TIAM1: variants seen among roughly 807,000 people sequenced by gnomAD.
The protein encoded by TIAM1 is TIAM Rac1 associated GEF 1.
TIAM1 carries 65 observed loss-of-function variants against 163.5 expected under a neutral mutation model. The observed-to-expected ratio is 0.40, with a 90% CI of 0.33 to 0.49. TIAM1 has a LOEUF of 0.49. TIAM1 is among the 20% of genes least tolerant of loss of function. The pLI, the probability that TIAM1 is intolerant of heterozygous loss-of-function variation, is 0.77. For synonymous variants in TIAM1, 833 were observed against 810.1 expected, an observed-to-expected ratio of 1.03 and a Z score of -0.48; for missense variants, 1,789 against 2,044.7, an observed-to-expected ratio of 0.87 and a Z score of 2.41.
At chr21:31,192,200 T>C (rs1428283080) in intron 13 of TIAM1, among the ~76,000 whole-genome samples, 1 of 152,230 alleles carries the variant, frequency 6.6e-6, no homozygotes, top group Non-Finnish European at 1.5e-5. Context: ...TTCTCTTCAT[T>C]AGGCCCAAAT....
chr21:31,363,635 C>T (rs137988041), intron 2 of TIAM1, among the ~76,000 whole-genome samples: 1 of 152,210 alleles, frequency 6.6e-6, no homozygotes, highest in East Asian at 1.9e-4. Flanking sequence ...TCATTCAATC[C>T]TCCTTTTCCC....
At chr21:31,512,237 C>T (rs956463592) in intron 1 of TIAM1, among the ~76,000 whole-genome samples, 1 of 152,102 alleles carries the variant, frequency 6.6e-6, no homozygotes, top group African/African-American at 2.4e-5. Flanking sequence ...GCTGGGACTA[C>T]AGGCACATAT....
At position 31,376,856 on chromosome 21, in the gene TIAM1, CTTTATTTTAT is replaced by C. The variant is rs556773719; in HGVS notation, c.-368-37444_-368-37435del. On this transcript the variant is annotated intron_variant, in intron 2 of 28. Transcript: ENST00000286827. ...TCTGCTTCTGAGATAGGAATTTTTA[CTTTATTTTAT>C]TTTATTTTTTGAATCAGAGTCTCAC... Among the ~76,000 whole-genome samples, 334 of 151,612 alleles carry C rather than the reference CTTTATTTTAT, an allele frequency of 2.2e-3. 3 individuals are homozygous for C. The highest frequency in any genetic ancestry group is 6.8e-3 in the Middle Eastern group (2 of 294).
intron 14 of TIAM1, among the ~76,000 whole-genome samples, chr21:31,185,715 C>CA (rs1482497649): frequency 6.7e-6 from 1 of 149,862 alleles, no homozygotes; most frequent in African/African-American, 2.5e-5. Flanking sequence ...TACTATTACA[C>CA]ACGAAAGTTA....
intron 3 of TIAM1, among the ~76,000 whole-genome samples, chr21:31,271,265 T>C (rs947121348): frequency 2.0e-5 from 3 of 148,972 alleles, no homozygotes; most frequent in Non-Finnish European, 4.5e-5. Context: ...CTGGAATGAA[T>C]GAATGACAAA....
intron 6 of TIAM1, among the ~76,000 whole-genome samples, chr21:31,239,548 G>A (rs1464485471): frequency 6.6e-6 from 1 of 152,090 alleles, no homozygotes; most frequent in Non-Finnish European, 1.5e-5. Flanking sequence ...GTGAGAATGG[G>A]CTACAATTAA....
At chr21:31,247,422 G>C (rs1045676197) in intron 5 of TIAM1, among the ~76,000 whole-genome samples, 2 of 151,688 alleles carry the variant, frequency 1.3e-5, no homozygotes, top group Non-Finnish European at 2.9e-5. Context: ...GTAGATATGG[G>C]GTCCCACTGT....
intron 2 of TIAM1, among the ~76,000 whole-genome samples, chr21:31,305,757 C>T (rs1242301780): frequency 1.2e-4 from 19 of 152,252 alleles, no homozygotes; most frequent in Non-Finnish European, 1.3e-4. Context: ...CTAAACAGGC[C>T]TCATTTTTTC....
At chr21:31,215,695 GT>G (rs916121200) in intron 9 of TIAM1, among the ~76,000 whole-genome samples, 2 of 151,516 alleles carry the variant, frequency 1.3e-5, no homozygotes, top group African/African-American at 4.9e-5. Flanking sequence ...TTCCTCCACA[GT>G]TTTTTCTTTA....
rs11291911 is a variant in TIAM1 at position 31,432,091 on chromosome 21, C to CTTTTTTTTT, written c.-369+31883_-369+31891dup. 1.5e-3 allele frequency among the ~76,000 whole-genome samples: 136 copies of CTTTTTTTTT among 93,660 alleles called. 9 individuals are homozygous for CTTTTTTTTT. The highest frequency in any genetic ancestry group is 5.6e-3 in the African/African-American group (121 of 21,778). 61.4% of individuals were successfully genotyped at this position (93,660 alleles called of 152,430 possible). On this transcript the variant is annotated intron_variant, in intron 2 of 28. Coordinates refer to the TIAM1 transcript ENST00000286827. ...TGAACATGTCAAAAATCTAAGATTC[C>CTTTTTTTTT]TTTTTTTTTTTTTTTTTTTTTTTTT...
intron 2 of TIAM1, among the ~76,000 whole-genome samples, chr21:31,349,947 G>T (rs2076207453): frequency 6.6e-6 from 1 of 152,220 alleles, no homozygotes. Context: ...CTCTAAATGG[G>T]CGAATGGGCA....
At chr21:31,494,806 G>T (rs554166215) in intron 1 of TIAM1, among the ~76,000 whole-genome samples, 3 of 152,106 alleles carry the variant, frequency 2.0e-5, no homozygotes, top group African/African-American at 7.2e-5. Context: ...TCGCACCACT[G>T]AACTCCAGCC....
intron 1 of TIAM1, among the ~76,000 whole-genome samples, chr21:31,512,504 A>C (rs2047242170): frequency 6.6e-6 from 1 of 151,570 alleles, no homozygotes; most frequent in African/African-American, 2.4e-5. Context: ...AATCCTTCCT[A>C]CTTCATTTTT....
At chr21:31,333,132 T>C (rs2075730809) in intron 2 of TIAM1, among the ~76,000 whole-genome samples, 2 of 152,162 alleles carry the variant, frequency 1.3e-5, no homozygotes, top group Non-Finnish European at 2.9e-5. Flanking sequence ...TGTTCACTAC[T>C]TGAGCTACCA....
chr21:31,384,898 G>A (rs2076839773), intron 2 of TIAM1, among the ~76,000 whole-genome samples: 1 of 152,082 alleles, frequency 6.6e-6, no homozygotes, highest in Admixed American at 6.6e-5. Flanking sequence ...ATGACATCAG[G>A]ACTAGGTAAA....
At chr21:31,428,006 A>T (rs1569322332) in intron 2 of TIAM1, among the ~76,000 whole-genome samples, 2 of 152,216 alleles carry the variant, frequency 1.3e-5, no homozygotes, top group Non-Finnish European at 2.9e-5. Flanking sequence ...TCATGCCTGT[A>T]ATCCCAGCAC....
rs1385896629 is a variant in TIAM1, at chr21:31,252,185, A to G, written c.968T>C (p.Val323Ala). Residue 323 changes from valine (V) to alanine (A), a missense_variant, in exon 5 of 28, where the codon GTT (valine) becomes GCT (alanine). This residue lies in a region of TIAM1 where 555 missense variants were observed against 564.9 expected (regional missense o/e 0.98). Coordinates refer to ENST00000541036, the MANE Select transcript of TIAM1 (RefSeq NM_001353694.2). ...AAACTCACTGCCCTCGCCTGCATTA[A>G]CATCCTTGGGAGCAGAAAGAGAGAG... The part of the protein sequence containing the change: ...QGRRAKTTQD[V>A]NAGEGSEFAD... The G allele has an allele frequency of 6.2e-7, 1 of 1,602,962 alleles. No individual in the cohort carries two copies. The highest frequency in any genetic ancestry group is 2.2e-5 in the East Asian group (1 of 44,844).
rs56691495 is a variant in TIAM1, at chr21:31,473,429, CAAAAA to C, written c.-421-9399_-421-9395del. ...TGGGGGACAGATCAAGACTCCATCT[CAAAAA>C]AAAAAAAAAAAAAAAAAAAAAAAAA... On this transcript the variant is annotated intron_variant, in intron 1 of 28. Transcript: ENST00000286827. Among the ~76,000 whole-genome samples, 78 of 75,678 alleles carry C rather than the reference CAAAAA, an allele frequency of 1.0e-3. 2 individuals carry two copies. The highest frequency in any genetic ancestry group is 2.1e-3 in the African/African-American group (49 of 23,592). The allele number at this position is 75,678 out of a possible 152,430, so 49.6% of individuals were successfully genotyped here.
intron 10 of TIAM1, among the ~76,000 whole-genome samples, chr21:31,211,805 A>G (rs1453280169): frequency 6.6e-6 from 1 of 152,218 alleles, no homozygotes; most frequent in Non-Finnish European, 1.5e-5. Flanking sequence ...GATCAACCCA[A>G]GTTTTGCATC....
Sources: allele counts gnomAD v4.1 joint callset (sites outside exome capture counted in the v4.1 genomes callset), GRCh38; gene constraint gnomAD v4.1.1; regional missense constraint gnomAD v4.1.1; transcripts MANE v1.5; gene names NCBI Gene and HGNC (gene_info 2026-07-23, HGNC 2026-07-21).